VAV1: variants seen among roughly 807,000 people sequenced by gnomAD.
VAV1 encodes the protein proto-oncogene vav.
A neutral mutation model predicts 128.1 loss-of-function variants in VAV1; 33 were observed. The ratio of observed to expected loss-of-function variants is 0.26; its 90% CI spans 0.20 to 0.34. The LOEUF (loss-of-function observed/expected upper bound fraction) is 0.34, where lower values mean the gene tolerates loss of function less well. Among genes scored for constraint, VAV1 ranks in the 10% least tolerant of loss-of-function variants. VAV1 has a pLI of 1.00. For synonymous variants in VAV1, 394 were observed against 409.8 expected, an observed-to-expected ratio of 0.96 and a Z score of 0.47; for missense variants, 715 against 1,093.7, an observed-to-expected ratio of 0.65 and a Z score of 4.88.
intron 9 of VAV1, 146 bp from the exon 10 acceptor site, chr19:6,827,930 A>G: frequency 1.5e-6 from 1 of 651,018 alleles, no homozygotes; most frequent in East Asian, 2.8e-5. Context: ...TTGGGGGCAG[A>G]TATGATGCTT....
At chr19:6,832,519 CTT>C (rs1423280177) in intron 15 of VAV1, among the ~76,000 whole-genome samples, 66 of 106,326 alleles carry the variant, frequency 6.2e-4, no homozygotes, top group Admixed American at 1.7e-3. Flanking sequence ...TCCTCCTCCT[CTT>C]TCCTCCTCCT....
intron 1 of VAV1, among the ~76,000 whole-genome samples, chr19:6,812,633 A>G (rs1055493784): frequency 2.6e-5 from 4 of 152,210 alleles, no homozygotes; most frequent in Non-Finnish European, 5.9e-5. Context: ...CCTGGATGAC[A>G]GAGGGAGACT....
rs1971986619 is a variant in VAV1, at chr19:6,828,992, T to G, written c.1265+92T>G. The G allele has an allele frequency of 2.1e-6, 3 of 1,459,842 alleles. No homozygotes were observed. Among genetic ancestry groups the G allele is most frequent in the Non-Finnish European group, 2.8e-6 (3 of 1,057,368 alleles). 90.4% of individuals were successfully genotyped at this position (1,459,842 alleles called of 1,614,324 possible). On this transcript the variant is annotated intron_variant, in intron 13 of 26. Coordinates refer to ENST00000602142, the MANE Select transcript of VAV1 (RefSeq NM_005428.4). This position sits in a 1 kb window ranked among gnomAD's most constrained non-coding sequence, Gnocchi z 4.5. ...GGCAGGTGGGTGGAGTCAACACAGA[T>G]CTGGGTGGAGCCTGGGCAGGGGCGG... is the stretch of plus-strand genomic sequence containing the variant.
chr19:6,850,647 G>T, intron 23 of VAV1, 23 bp from the exon 24 acceptor site: 2 of 1,612,984 alleles, frequency 1.2e-6, no homozygotes, highest in South Asian at 1.1e-5. Flanking sequence ...CAGACTCAGG[G>T]CCCGGTGACC....
chr19:6,822,208 T>C lies in VAV1; in HGVS notation c.450-13T>C, dbSNP rs347033. 0.2 allele frequency: 314,032 copies of C among 1,566,556 alleles called. 32,364 individuals carry two copies. Among genetic ancestry groups the C allele is most frequent in the African/African-American group, 0.28 (20,994 of 74,366 alleles). ...GGAGAGGTCCAAGGGATCCCTGACCTCACAACCCACAGCGACACGGTGGAG... is the reference window on the plus strand; with the variant it reads ...GGAGAGGTCCAAGGGATCCCTGACCCCACAACCCACAGCGACACGGTGGAG... On this transcript the variant is annotated splice_polypyrimidine_tract_variant and intron_variant, in intron 4 of 26. Transcript: ENST00000602142. This position sits in a 1 kb window ranked among gnomAD's most constrained non-coding sequence, Gnocchi z 5.9.
At chr19:6,848,419 C>CTT (rs34702560) in intron 23 of VAV1, among the ~76,000 whole-genome samples, 2 of 149,508 alleles carry the variant, frequency 1.3e-5, no homozygotes, top group East Asian at 2.0e-4. Context: ...CTTTTCTTTT[C>CTT]TTTTTTTTTC....
intron 1 of VAV1, among the ~76,000 whole-genome samples, chr19:6,774,424 A>T (rs1266183281): frequency 9.8e-6 from 1 of 102,350 alleles, no homozygotes; most frequent in Non-Finnish European, 1.9e-5. Flanking sequence ...CACCGCGCCC[A>T]GCCTTTTTTT....
chr19:6,813,732 A>G (rs1196857110), intron 1 of VAV1, among the ~76,000 whole-genome samples: 1 of 152,116 alleles, frequency 6.6e-6, no homozygotes, highest in Non-Finnish European at 1.5e-5. Flanking sequence ...CTATAGCTCA[A>G]TTTTGGAGAG....
At chr19:6,784,060 C>A in intron 1 of VAV1, 1 of 404,842 alleles carries the variant, frequency 2.5e-6, no homozygotes, top group Non-Finnish European at 4.4e-6. Flanking sequence ...TCGAGACCAG[C>A]CTGGGCAACA....
At chr19:6,818,589 C>A (rs1971713343) in intron 1 of VAV1, among the ~76,000 whole-genome samples, 1 of 152,160 alleles carries the variant, frequency 6.6e-6, no homozygotes, top group Non-Finnish European at 1.5e-5. Context: ...ACATTGAAGT[C>A]TTAACCCCTA....
rs1007140252 is a variant in VAV1 at position 6,820,020 on chromosome 19, T to C, written c.205-682T>C. 6.6e-6 allele frequency among the ~76,000 whole-genome samples: 1 copy of C among 152,072 alleles called. No homozygotes were observed. The highest frequency in any genetic ancestry group is 2.4e-5 in the African/African-American group (1 of 41,400). ...AAAAGGAATGTTTTGGCTCATGAAA[T>C]AAAAAAGTTTAGGGATGGCCAGGCA... On this transcript the variant is annotated intron_variant, in intron 1 of 26. Coordinates refer to ENST00000602142, the MANE Select transcript of VAV1 (RefSeq NM_005428.4). This position sits in a 1 kb window ranked among gnomAD's most constrained non-coding sequence, Gnocchi z 4.4.
chr19:6,830,098 C>T (rs1007817996), intron 14 of VAV1, among the ~76,000 whole-genome samples, 180 bp downstream of exon 14: 2 of 152,176 alleles, frequency 1.3e-5, no homozygotes, highest in Admixed American at 1.3e-4. Flanking sequence ...CTCGCTCTGT[C>T]GCCAGGCCGG....
chr19:6,813,565 G>A (rs1412467715), intron 1 of VAV1, among the ~76,000 whole-genome samples: 2 of 152,024 alleles, frequency 1.3e-5, no homozygotes, highest in Admixed American at 6.6e-5. Flanking sequence ...GTAGATTTAT[G>A]GTGTCTTAAT....
At chr19:6,855,413 CATCT>C (rs1972768631) in intron 26 of VAV1, among the ~76,000 whole-genome samples, 1 of 151,600 alleles carries the variant, frequency 6.6e-6, no homozygotes, top group African/African-American at 2.4e-5. Flanking sequence ...TCCATCCATC[CATCT>C]ATCCATCTAT....
At chr19:6,840,148 T>G (rs1393911902) in intron 21 of VAV1, among the ~76,000 whole-genome samples, 1 of 152,210 alleles carries the variant, frequency 6.6e-6, no homozygotes, top group Non-Finnish European at 1.5e-5. Flanking sequence ...GCCCCTGACA[T>G]TCACATTCTA....
chr19:6,854,237 G>C (rs1291208454), intron 26 of VAV1, 139 bp downstream of exon 26: 4 of 1,170,254 alleles, frequency 3.4e-6, no homozygotes, highest in Non-Finnish European at 3.6e-6. Context: ...AAGGGACACA[G>C]GGATGTCATT....
At chr19:6,781,805 G>A (rs913878378) in intron 1 of VAV1, among the ~76,000 whole-genome samples, 10 of 151,840 alleles carry the variant, frequency 6.6e-5, no homozygotes, top group African/African-American at 2.4e-4. Context: ...ACAGGGTTTC[G>A]CCATGTTGGC....
chr19:6,817,392 G>A (rs913862543), intron 1 of VAV1, among the ~76,000 whole-genome samples: 1 of 151,928 alleles, frequency 6.6e-6, no homozygotes, highest in African/African-American at 2.4e-5. Context: ...TATGGTAGGG[G>A]CACAGAGTAG....
chr19:6,787,020 A>ATTT (rs56137755), intron 1 of VAV1, among the ~76,000 whole-genome samples: 2,651 of 138,490 alleles, frequency 0.019, 97 homozygotes, highest in African/African-American at 0.065. Flanking sequence ...CACGCTGTCT[A>ATTT]TTTTTTTTTT....
Sources: allele counts gnomAD v4.1 joint callset (sites outside exome capture counted in the v4.1 genomes callset), GRCh38; gene constraint gnomAD v4.1.1; non-coding constraint Gnocchi (gnomAD v3.1); transcripts MANE v1.5; gene names NCBI Gene and HGNC (gene_info 2026-07-23, HGNC 2026-07-21).